The following CDKN2AIP variants were observed in gnomAD, a reference collection of about 807,000 sequenced individuals.
The protein encoded by CDKN2AIP is CDKN2A interacting protein.
In CDKN2AIP, 12 loss-of-function variants were observed where a neutral mutation model predicts 44.1. The observed-to-expected ratio is 0.27, with a 90% CI of 0.17 to 0.44. The LOEUF (loss-of-function observed/expected upper bound fraction) is 0.44. Among genes scored for constraint, CDKN2AIP ranks in the 20% least tolerant of loss-of-function variants. The pLI is 1.00. For synonymous variants in CDKN2AIP, 291 were observed against 272.1 expected (o/e 1.07, Z -0.68); for missense variants, 705 against 681.6 (o/e 1.03, Z -0.38).
Position 183,447,055 on chromosome 4 carries a change from T to C in CDKN2AIP, c.1371T>C (p.Phe457=), listed in dbSNP as rs373518027. The change falls in exon 3 of 3, where the codon TTT becomes TTC. Residue 457 remains phenylalanine (F), a synonymous_variant. Transcript: ENST00000504169. ...GGAAGTTGGTAGCTGTTGGTGGCTT[T>C]AGTCCCAATGTGAATCATGGAGAGC... ...VAWKLVAVGG[F]SPNVNHGELL... 46 of 1,614,022 alleles carry C rather than the reference T, an allele frequency of 2.9e-5. No individual in the cohort carries two copies. Among genetic ancestry groups the C allele is most frequent in the Non-Finnish European group, 3.7e-5 (44 of 1,179,998 alleles).
chr4:183,447,161 C>CA lies in CDKN2AIP; in HGVS notation c.1481dup (p.Asn494LysfsTer2). ...ACTAAAAGAATTGGCAGATCTGCCT[C>CA]AAAATAAGAGCTCTCAAGAAAGTAT... On this transcript the variant is annotated frameshift_variant, in exon 3 of 3. Transcript: ENST00000504169. LOFTEE classifies it high-confidence loss of function. 6.2e-7 allele frequency: 1 copy of CA among 1,613,990 alleles called. No individual in the cohort carries two copies. The highest frequency in any genetic ancestry group is 8.5e-7 in the Non-Finnish European group (1 of 1,179,996).
Position 183,446,757 on chromosome 4 carries a change from T to C in CDKN2AIP, c.1073T>C (p.Leu358Pro), listed in dbSNP as rs201828834. The change falls in exon 3 of 3, where the codon CTA (leucine) becomes CCA (proline). Residue 358 changes from leucine to proline, a missense_variant. Leu to Pro is a moderately conservative substitution (Grantham distance 98). Transcript: ENST00000504169. The stretch of plus-strand genomic sequence containing the variant: ...AGCTCTTCAACAAATACATCGCTGC[T>C]AACTTCCAAGAGCACTTCCCAGGTA... ...KSSSSTNTSL[L>P]TSKSTSQVAA... is the part of the protein sequence containing the mutation. The C allele has an allele frequency of 5.1e-5, 83 of 1,614,214 alleles. No individual in the cohort carries two copies. In the Admixed American group the frequency reaches 1.3e-3, roughly 25 times the overall value.
Position 183,444,936 on chromosome 4 carries a change from G to T in CDKN2AIP, c.139G>T (p.Ala47Ser), listed in dbSNP as rs1438135483. The change falls in exon 1 of 3, where the codon GCC becomes TCC. Residue 47 changes from alanine to serine, a missense_variant. By Grantham distance (99) the Ala-to-Ser change is moderately conservative (BLOSUM62 1). Coordinates refer to ENST00000504169, the MANE Select transcript of CDKN2AIP (RefSeq NM_017632.4). The stretch of plus-strand genomic sequence containing the variant: ...TTTGCTTCGCAACGCCGGGGACCTG[G>T]CCCCCGCTGGCGGCGCTGCCTCCGC... ...DFLLRNAGDL[A>S]PAGGAASAST... 6.2e-7 allele frequency: 1 copy of T among 1,611,262 alleles called. No homozygotes were observed. Among genetic ancestry groups the T allele is most frequent in the Non-Finnish European group, 8.5e-7 (1 of 1,178,894 alleles).
chr4:183,447,280 G>A lies in CDKN2AIP; in HGVS notation c.1596G>A (p.Leu532=). The change falls in exon 3 of 3, where the codon TTG becomes TTA. Residue 532 remains leucine (L), a synonymous_variant. Transcript: ENST00000504169. ...AAGCAGTTGCATCAAGAGAAGCATT[G>A]AAGTTATTTCTCAAGAAAAAGGTGG... ...NAKAVASREA[L]KLFLKKKVVV... The A allele has an allele frequency of 1.2e-6, 2 of 1,611,912 alleles. No homozygotes were observed. Among genetic ancestry groups the A allele is most frequent in the Non-Finnish European group, 1.7e-6 (2 of 1,179,506 alleles).
Position 183,444,678 on chromosome 4 carries a change from A to G in CDKN2AIP, c.-120A>G, listed in dbSNP as rs1321195490. 3 of 1,001,742 alleles carry G rather than the reference A, an allele frequency of 3.0e-6. No individual in the cohort carries two copies. The highest frequency in any genetic ancestry group is 1.8e-5 in the South Asian group (1 of 56,240). The allele number at this position is 1,001,742 out of a possible 1,614,324, so 62.1% of individuals were successfully genotyped here. A position where few individuals can be genotyped will look rare whatever the true frequency, so the allele number is the denominator to read the frequency against. Reference sequence around the variant, plus strand: ...CTCTGGGCGCTGTTGTTTGGTCTTTAGGCCTGCGGAGGGGCGTTATCTGGA... The same window carrying G: ...CTCTGGGCGCTGTTGTTTGGTCTTTGGGCCTGCGGAGGGGCGTTATCTGGA... On this transcript the variant is annotated 5_prime_UTR_variant, in exon 1 of 3. Transcript: ENST00000504169.
chr4:183,445,443 A>T lies in CDKN2AIP; in HGVS notation c.273-92A>T, dbSNP rs185202952. 3.0e-3 allele frequency: 3,018 copies of T among 995,452 alleles called. 8 individuals carry two copies. The highest frequency in any genetic ancestry group is 4.1e-3 in the Non-Finnish European group (2,650 of 654,222). 61.7% of individuals were successfully genotyped at this position (995,452 alleles called of 1,614,324 possible). A position where few individuals can be genotyped will look rare whatever the true frequency, so the allele number is the denominator to read the frequency against. On this transcript the variant is annotated intron_variant, in intron 1 of 2. Coordinates refer to ENST00000504169, the MANE Select transcript of CDKN2AIP (RefSeq NM_017632.4). Reference sequence around the variant, plus strand: ...GCGGTTGGTTCACTTTCTTGATTGCAGCCAGGAAATGCAGTCCCTGTGGCC... The same window carrying T: ...GCGGTTGGTTCACTTTCTTGATTGCTGCCAGGAAATGCAGTCCCTGTGGCC...
In CDKN2AIP at chr4:183,446,887, T is replaced by C; in HGVS notation, c.1203T>C (p.Ser401=). ...ASVSQLASKS[S]SQTSTSQLPS... ...TGTCCCAGTTGGCTTCTAAGAGTAG[T>C]TCTCAGACTAGCACCTCACAGTTGC... The change falls in exon 3 of 3, where the codon AGT becomes AGC. Residue 401 remains serine, a synonymous_variant. Transcript: ENST00000504169. The C allele has an allele frequency of 6.2e-7, 1 of 1,614,116 alleles. No homozygotes were observed. Among genetic ancestry groups the C allele is most frequent in the Non-Finnish European group, 8.5e-7 (1 of 1,179,958 alleles).
Position 183,446,441 on chromosome 4 carries a change from A to G in CDKN2AIP, c.757A>G (p.Asn253Asp). The change falls in exon 3 of 3, where the codon AAT becomes GAT. Residue 253 changes from asparagine to aspartate, a missense_variant. Transcript: ENST00000504169. ...TGTTTCCTTGCTGAAATCCAGTGTGAATAGTCACATGACCCAATCCACTGA... is the reference window on the plus strand; with the variant it reads ...TGTTTCCTTGCTGAAATCCAGTGTGGATAGTCACATGACCCAATCCACTGA... ...SFVSLLKSSV[N>D]SHMTQSTDSR... 1 of 1,613,860 alleles carries G rather than the reference A, an allele frequency of 6.2e-7. No individual in the cohort carries two copies. The highest frequency in any genetic ancestry group is 8.5e-7 in the Non-Finnish European group (1 of 1,179,718).
At chr4:183,445,884 T>C in intron 2 of CDKN2AIP, 1 of 637,870 alleles carries the variant, frequency 1.6e-6, no homozygotes. Context: ...TCCACTGTTG[T>C]CTGATGCTGT....
In CDKN2AIP at chr4:183,448,148, A is replaced by G. The variant is rs758853494; in HGVS notation, c.*721A>G. ...CATATTTTGTGACTACTATTAACAG[A>G]TTGATTTGTTTAGATATTAAATGCT... is the stretch of plus-strand genomic sequence containing the variant. On this transcript the variant is annotated 3_prime_UTR_variant, in exon 3 of 3. Coordinates refer to ENST00000504169, the MANE Select transcript of CDKN2AIP (RefSeq NM_017632.4). 3 of 152,118 alleles carry G rather than the reference A, an allele frequency of 2.0e-5. No individual in the cohort carries two copies. Among genetic ancestry groups the G allele is most frequent in the Admixed American group, 6.5e-5 (1 of 15,272 alleles). 9.4% of individuals were successfully genotyped at this position (152,118 alleles called of 1,614,324 possible). A position where few individuals can be genotyped will look rare whatever the true frequency, so the allele number is the denominator to read the frequency against.
Position 183,445,000 on chromosome 4 carries a change from G to A in CDKN2AIP, c.203G>A (p.Arg68Gln), listed in dbSNP as rs560149180. The change falls in exon 1 of 3, where the codon CGA (arginine) becomes CAA (glutamine). Residue 68 changes from arginine to glutamine, a missense_variant. Transcript: ENST00000504169. ...GCTGCCGACGCCGAGAGCGGGACCC[G>A]AAACCGGCAGCTGCAGCAGCTCATC... ...DEAADAESGT[R>Q]NRQLQQLISF... The A allele has an allele frequency of 3.1e-6, 5 of 1,603,368 alleles. No individual in the cohort carries two copies. In the East Asian group the frequency reaches 1.1e-4, roughly 36 times the overall value.
Position 183,444,730 on chromosome 4 carries a change from A to T in CDKN2AIP, c.-68A>T. 1 of 1,434,414 alleles carries T rather than the reference A, an allele frequency of 7.0e-7. No homozygotes were observed. The highest frequency in any genetic ancestry group is 2.6e-5 in the Admixed American group (1 of 38,878). 88.9% of individuals were successfully genotyped at this position (1,434,414 alleles called of 1,614,324 possible). A position where few individuals can be genotyped will look rare whatever the true frequency, so the allele number is the denominator to read the frequency against. On this transcript the variant is annotated 5_prime_UTR_variant, in exon 1 of 3. Coordinates refer to ENST00000504169, the MANE Select transcript of CDKN2AIP (RefSeq NM_017632.4). ...GGCCGCGGGTGCAGGCCGCAGTGACAGGGCCGCTCGCCCCGCTAGTCCTGC... is the reference window on the plus strand; with the variant it reads ...GGCCGCGGGTGCAGGCCGCAGTGACTGGGCCGCTCGCCCCGCTAGTCCTGC...
Position 183,447,347 on chromosome 4 carries a change from GA to G in CDKN2AIP, c.1665del (p.Asp556IlefsTer2). 6.2e-7 allele frequency: 1 copy of G among 1,605,528 alleles called. No individual in the cohort carries two copies. The highest frequency in any genetic ancestry group is 8.5e-7 in the Non-Finnish European group (1 of 1,175,998). On this transcript the variant is annotated frameshift_variant, in exon 3 of 3. Transcript: ENST00000504169. LOFTEE classifies it high-confidence loss of function. ...AAGGAAATACAGAGGCAGTGAAATAGAAGATCTAGTACTCCTTGATGAAGAA... is the reference window on the plus strand; with the variant it reads ...AAGGAAATACAGAGGCAGTGAAATAGAGATCTAGTACTCCTTGATGAAGAA... ...CKRKYRGSEI[E>X]DLVLLDEESR...
Position 183,447,165 on chromosome 4 carries a change from A to G in CDKN2AIP, c.1481A>G (p.Asn494Ser). 2 of 1,614,216 alleles carry G rather than the reference A, an allele frequency of 1.2e-6. No individual in the cohort carries two copies. Among genetic ancestry groups the G allele is most frequent in the Non-Finnish European group, 1.7e-6 (2 of 1,180,028 alleles). Residue 494 changes from asparagine to serine, a missense_variant, in exon 3 of 3, where the codon AAT (asparagine) becomes AGT (serine). By Grantham distance (46) the Asn-to-Ser change is conservative (BLOSUM62 1). Coordinates refer to ENST00000504169, the MANE Select transcript of CDKN2AIP (RefSeq NM_017632.4). ...AAAGAATTGGCAGATCTGCCTCAAA[A>G]TAAGAGCTCTCAAGAAAGTATTGTT... is the stretch of plus-strand genomic sequence containing the variant. Reference protein sequence around the residue: ...PLKELADLPQNKSSQESIVCE... With the variant: ...PLKELADLPQSKSSQESIVCE...
Position 183,447,401 on chromosome 4 carries a change from C to G in CDKN2AIP, c.1717C>G (p.Leu573Val). The change falls in exon 3 of 3, where the codon CTA (leucine) becomes GTA (valine). Residue 573 changes from leucine (L) to valine (V), a missense_variant. Physicochemically the swap from Leu to Val is conservative, Grantham distance 32. Coordinates refer to ENST00000504169, the MANE Select transcript of CDKN2AIP (RefSeq NM_017632.4). ...ESRPVNLPPA[L>V]KHPQELL ...GAGGCCTGTAAACTTACCTCCAGCA[C>G]TAAAACATCCTCAAGAATTACTATA... 1 of 1,540,282 alleles carries G rather than the reference C, an allele frequency of 6.5e-7. No individual in the cohort carries two copies.
At position 183,445,073 on chromosome 4, in the gene CDKN2AIP, A is replaced by G; in HGVS notation, c.272+4A>G. Reference sequence around the variant, plus strand: ...ACCACGTCTTCCTCGGGTGCCGGTGAGTGAGGCAGCGTCCCTAACCAGCAC... The same window carrying G: ...ACCACGTCTTCCTCGGGTGCCGGTGGGTGAGGCAGCGTCCCTAACCAGCAC... On this transcript the variant is annotated splice_donor_region_variant and intron_variant, in intron 1 of 2. Coordinates refer to ENST00000504169, the MANE Select transcript of CDKN2AIP (RefSeq NM_017632.4). 6.3e-7 allele frequency: 1 copy of G among 1,577,760 alleles called. No individual in the cohort carries two copies.
Position 183,446,214 on chromosome 4 carries a change from C to G in CDKN2AIP, c.530C>G (p.Thr177Arg). ...RASAQQENSS[T>R]CIGSAIKSES... ...TCAGCTCAGCAGGAAAACAGTTCAA[C>G]GTGTATAGGGTCGGCCATCAAATCA... Residue 177 changes from threonine (T) to arginine (R), a missense_variant, in exon 3 of 3, where the codon ACG becomes AGG. Coordinates refer to ENST00000504169, the MANE Select transcript of CDKN2AIP (RefSeq NM_017632.4). 1 of 1,614,136 alleles carries G rather than the reference C, an allele frequency of 6.2e-7. No individual in the cohort carries two copies. Among genetic ancestry groups the G allele is most frequent in the Non-Finnish European group, 8.5e-7 (1 of 1,179,990 alleles).
Position 183,445,521 on chromosome 4 carries a change from T to A in CDKN2AIP, c.273-14T>A. On this transcript the variant is annotated splice_polypyrimidine_tract_variant and intron_variant, in intron 1 of 2. Coordinates refer to ENST00000504169, the MANE Select transcript of CDKN2AIP (RefSeq NM_017632.4). The stretch of plus-strand genomic sequence containing the variant: ...AAAAACACTTTTTAAAAATGACTTT[T>A]CCTTCTTTTTCAGATACCCTCAAAA... The A allele has an allele frequency of 6.2e-7, 1 of 1,605,542 alleles. No homozygotes were observed. The highest frequency in any genetic ancestry group is 1.1e-5 in the South Asian group (1 of 90,854).
chr4:183,447,059 C>G lies in CDKN2AIP; in HGVS notation c.1375C>G (p.Pro459Ala). The change falls in exon 3 of 3, where the codon CCC becomes GCC. Residue 459 changes from proline (P) to alanine (A), a missense_variant. By Grantham distance (27) the Pro-to-Ala change is conservative. This residue lies in a region of CDKN2AIP where 113 missense variants were observed against 163.6 expected (regional missense o/e 0.69). Coordinates refer to ENST00000504169, the MANE Select transcript of CDKN2AIP (RefSeq NM_017632.4). ...GTTGGTAGCTGTTGGTGGCTTTAGT[C>G]CCAATGTGAATCATGGAGAGCTCCT... ...WKLVAVGGFS[P>A]NVNHGELLNA... is the part of the protein sequence containing the mutation. The G allele has an allele frequency of 5.6e-6, 9 of 1,614,026 alleles. No individual in the cohort carries two copies. Among genetic ancestry groups the G allele is most frequent in the Non-Finnish European group, 7.6e-6 (9 of 1,179,920 alleles).
Sources: allele counts gnomAD v4.1 joint callset, GRCh38; gene constraint gnomAD v4.1.1; regional missense constraint gnomAD v4.1.1; transcripts MANE v1.5; gene names NCBI Gene and HGNC (gene_info 2026-07-23, HGNC 2026-07-21).